Variants in HDAC9 observed in about 807,000 individuals in gnomAD.
HDAC9 encodes histone deacetylase 9, also known as MEF-2 interacting transcription repressor (MITR) protein.
A neutral mutation model predicts 139.4 loss-of-function variants in HDAC9; 41 were observed. The observed-to-expected ratio is 0.29, with a 90% CI of 0.23 to 0.38. The LOEUF (loss-of-function observed/expected upper bound fraction) is 0.38, where lower values mean the gene tolerates loss of function less well. HDAC9 is among the 10% of genes least tolerant of loss of function. The probability of loss-of-function intolerance (pLI) is 1.00; values close to 1 mark genes in which losing one functional copy is unlikely to be tolerated. For missense variants in HDAC9, 1,147 were observed against 1,297.0 expected, an observed-to-expected ratio of 0.88 and a Z score of 1.78; for synonymous variants, 517 against 476.2, an observed-to-expected ratio of 1.09 and a Z score of -1.12.
intron 6 of HDAC9, among the ~76,000 whole-genome samples, chr7:18,603,214 G>C (rs1834461358): frequency 2.0e-5 from 3 of 151,834 alleles, no homozygotes; most frequent in Non-Finnish European, 4.4e-5. Flanking sequence ...GTTTCTTTTA[G>C]GTAATATGTA....
chr7:18,296,755 G>A (rs1420302791), intron 1 of HDAC9, among the ~76,000 whole-genome samples: 1 of 152,140 alleles, frequency 6.6e-6, no homozygotes, highest in African/African-American at 2.4e-5. Context: ...CACCAAGCGC[G>A]GGGGCAGTGG....
chr7:18,134,496 G>A (rs563274265), intron 1 of HDAC9, among the ~76,000 whole-genome samples: 3 of 151,992 alleles, frequency 2.0e-5, no homozygotes, highest in Admixed American at 2.0e-4. Flanking sequence ...AAATTCTCAC[G>A]CATGACTCTG....
At chr7:18,944,789 A>G (rs967976985) in intron 23 of HDAC9, among the ~76,000 whole-genome samples, 1 of 152,140 alleles carries the variant, frequency 6.6e-6, no homozygotes, top group African/African-American at 2.4e-5. Flanking sequence ...CTTTATATCC[A>G]TGAAATCATA....
intron 12 of HDAC9, chr7:18,667,987 T>C (rs1022188930): frequency 5.1e-6 from 5 of 971,318 alleles, no homozygotes; most frequent in African/African-American, 3.5e-5. Flanking sequence ...TATTTCTAAA[T>C]CCGAGGTATT....
chr7:18,858,823 C>T (rs1797880147), intron 21 of HDAC9, among the ~76,000 whole-genome samples: 1 of 152,260 alleles, frequency 6.6e-6, no homozygotes, highest in African/African-American at 2.4e-5. Context: ...AGCAGTGTCT[C>T]ATTTTTACCA....
intron 12 of HDAC9, among the ~76,000 whole-genome samples, chr7:18,706,160 CTTTTTTTTTTTT>C (rs1165670432): frequency 1.2e-5 from 1 of 86,750 alleles, no homozygotes; most frequent in Non-Finnish European, 2.1e-5. Context: ...GAAAGTTTTC[CTTTTTTTTTTTT>C]TTTTTTTTTT....
At chr7:18,501,156 A>G (rs1798251412) in intron 2 of HDAC9, among the ~76,000 whole-genome samples, 1 of 152,150 alleles carries the variant, frequency 6.6e-6, no homozygotes, top group Admixed American at 6.6e-5. Context: ...CTAAATTCAG[A>G]AGTAGAGAAA....
At chr7:18,597,372 A>G (rs1049792005) in intron 6 of HDAC9, among the ~76,000 whole-genome samples, 1 of 152,180 alleles carries the variant, frequency 6.6e-6, no homozygotes, top group Non-Finnish European at 1.5e-5. Context: ...TTTGTTCTAT[A>G]ACACAAGGAT....
chr7:18,755,582 T>A (rs1562916682), intron 14 of HDAC9, among the ~76,000 whole-genome samples: 1 of 152,146 alleles, frequency 6.6e-6, no homozygotes, highest in Non-Finnish European at 1.5e-5. Flanking sequence ...TTAGAAAGAA[T>A]AATTGCAATG....
chr7:18,387,493 G>A (rs1786051455), intron 1 of HDAC9, among the ~76,000 whole-genome samples: 1 of 152,182 alleles, frequency 6.6e-6, no homozygotes, highest in African/African-American at 2.4e-5. Flanking sequence ...CAGTTGTCGT[G>A]TGGGCTTTTC....
intron 1 of HDAC9, among the ~76,000 whole-genome samples, chr7:18,124,849 C>G (rs1784557798): frequency 6.6e-6 from 1 of 152,004 alleles, no homozygotes; most frequent in Non-Finnish European, 1.5e-5. Flanking sequence ...CCTCTGATCC[C>G]AAAAGGAACA....
intron 1 of HDAC9, among the ~76,000 whole-genome samples, chr7:18,349,495 C>G (rs1782689045): frequency 6.6e-6 from 1 of 152,062 alleles, no homozygotes; most frequent in Non-Finnish European, 1.5e-5. Flanking sequence ...AGAATGGTAG[C>G]TTAATGTTAT....
At chr7:18,440,239 C>T (rs907939879) in intron 1 of HDAC9, among the ~76,000 whole-genome samples, 2 of 145,394 alleles carry the variant, frequency 1.4e-5, no homozygotes, top group African/African-American at 5.2e-5. Flanking sequence ...GGCTGGAGTG[C>T]AGTGGTGCGA....
At chr7:18,723,689 C>T (rs535401330) in intron 12 of HDAC9, among the ~76,000 whole-genome samples, 28 of 149,234 alleles carry the variant, frequency 1.9e-4, no homozygotes, top group African/African-American at 6.6e-4. Flanking sequence ...CAGTGAAGCT[C>T]AAGTAGAACA....
At position 18,954,391 on chromosome 7, in the gene HDAC9, A is replaced by T. The variant is rs570624078; in HGVS notation, c.3022+161A>T. The T allele has an allele frequency of 4.7e-4, 264 of 567,702 alleles. 3 individuals carry two copies. In the South Asian group the frequency reaches 6.7e-3, roughly 14 times the overall value. 35.2% of individuals were successfully genotyped at this position (567,702 alleles called of 1,614,324 possible). A position where few individuals can be genotyped will look rare whatever the true frequency, so the allele number is the denominator to read the frequency against. Reference sequence around the variant, plus strand: ...GTGTTGCTCTTAATGCAGCAATCTTATCTTACACTGATGACAAAACGTAGA... The same window carrying T: ...GTGTTGCTCTTAATGCAGCAATCTTTTCTTACACTGATGACAAAACGTAGA... On this transcript the variant is annotated intron_variant, in intron 24 of 25. Transcript: ENST00000686413.
At chr7:18,589,022 C>T (rs865942679) in intron 3 of HDAC9, among the ~76,000 whole-genome samples, 1 of 152,162 alleles carries the variant, frequency 6.6e-6, no homozygotes, top group South Asian at 2.1e-4. Flanking sequence ...TATGAATATG[C>T]GGCTGAAGAG....
chr7:18,890,890 C>T (rs1800622682), intron 22 of HDAC9, among the ~76,000 whole-genome samples: 1 of 152,068 alleles, frequency 6.6e-6, no homozygotes, highest in African/African-American at 2.4e-5. Context: ...AAGGTAAGCC[C>T]AGAGAGACCA....
chr7:18,758,258 T>G (rs1789057496), intron 14 of HDAC9, among the ~76,000 whole-genome samples: 3 of 152,184 alleles, frequency 2.0e-5, no homozygotes, highest in South Asian at 4.1e-4. Flanking sequence ...TCAGAATTCT[T>G]AAAAATCTTT....
intron 22 of HDAC9, among the ~76,000 whole-genome samples, chr7:18,916,063 C>T (rs770178808): frequency 6.7e-6 from 1 of 149,402 alleles, no homozygotes; most frequent in Non-Finnish European, 1.5e-5. Context: ...GAACCTTAGT[C>T]GTTAGGCCAT....
Sources: gnomAD v4.1 joint callset for allele counts (sites outside exome capture counted in the v4.1 genomes callset) on GRCh38, gnomAD v4.1.1 for gene constraint, MANE v1.5 for transcripts, NCBI Gene and HGNC (gene_info 2026-07-23, HGNC 2026-07-21) for gene names.